Variants in POC1B observed in about 807,000 individuals in gnomAD.
POC1B encodes the protein POC1 centriolar protein homolog B.
A neutral mutation model predicts 60.6 loss-of-function variants in POC1B; 44 were observed. The observed-to-expected ratio is 0.73, with a 90% CI of 0.57 to 0.93. The LOEUF (loss-of-function observed/expected upper bound fraction) is 0.93, where lower values mean the gene tolerates loss of function less well. POC1B is among the 40% of genes least tolerant of loss of function. The pLI is 0.00. For missense variants in POC1B, 555 were observed against 572.3 expected (o/e 0.97, Z 0.31); for synonymous variants, 180 against 198.9 (o/e 0.90, Z 0.80).
chr12:89,466,946 G>C, intron 8 of POC1B, 24 bp from the exon 9 acceptor site: 3 of 1,595,892 alleles, frequency 1.9e-6, no homozygotes, highest in Non-Finnish European at 2.6e-6. Flanking sequence ...CAATGATGTT[G>C]GCAGTTATTG....
intron 4 of POC1B, among the ~76,000 whole-genome samples, chr12:89,478,019 G>C (rs1883183238): frequency 6.6e-6 from 1 of 152,118 alleles, no homozygotes; most frequent in East Asian, 1.9e-4. Flanking sequence ...CGGCCTTCCT[G>C]AACACTGTCA....
chr12:89,446,024 C>CA (rs1289322112), intron 10 of POC1B, among the ~76,000 whole-genome samples: 1 of 152,178 alleles, frequency 6.6e-6, no homozygotes, highest in Non-Finnish European at 1.5e-5. Context: ...CACTGGCTGT[C>CA]AGAGAAATGG....
chr12:89,486,217 A>G (rs993101567), intron 4 of POC1B, among the ~76,000 whole-genome samples: 14 of 152,232 alleles, frequency 9.2e-5, no homozygotes, highest in African/African-American at 3.4e-4. Flanking sequence ...AAGAGAATAC[A>G]ACATAAATAC....
chr12:89,525,010 T>C, intron 2 of POC1B, 110 bp downstream of exon 2: 1 of 1,495,620 alleles, frequency 6.7e-7, no homozygotes, highest in Non-Finnish European at 9.1e-7. Context: ...CTCTCAACCC[T>C]CATACAGGCC....
chr12:89,432,940 AG>A (rs1456004597), intron 10 of POC1B, among the ~76,000 whole-genome samples: 1 of 152,198 alleles, frequency 6.6e-6, no homozygotes, highest in Non-Finnish European at 1.5e-5. Context: ...GGAGCAGGAA[AG>A]GTGACTGGTG....
At chr12:89,460,038 C>A (rs780874350) in intron 9 of POC1B, 2 of 400,086 alleles carry the variant, frequency 5.0e-6, no homozygotes, top group South Asian at 2.1e-5. Flanking sequence ...AGAAAAAAAT[C>A]CTAGCCAGTT....
At chr12:89,476,205 C>T (rs1183981955) in intron 4 of POC1B, among the ~76,000 whole-genome samples, 1 of 152,022 alleles carries the variant, frequency 6.6e-6, no homozygotes, top group African/African-American at 2.4e-5. Flanking sequence ...CTGTGCCCAG[C>T]CCAGAATGAG....
intron 2 of POC1B, among the ~76,000 whole-genome samples, chr12:89,511,078 T>C (rs1870163462): frequency 6.6e-6 from 1 of 152,060 alleles, no homozygotes; most frequent in South Asian, 2.1e-4. Context: ...TTAGATAACT[T>C]TGTACATTTG....
intron 10 of POC1B, among the ~76,000 whole-genome samples, chr12:89,444,246 C>T (rs1881665122): frequency 6.6e-6 from 1 of 152,194 alleles, no homozygotes; most frequent in African/African-American, 2.4e-5. Flanking sequence ...TCCTCCCTAA[C>T]TCATTTTATG....
intron 10 of POC1B, among the ~76,000 whole-genome samples, chr12:89,431,634 C>T (rs1484183011): frequency 1.3e-5 from 2 of 152,198 alleles, no homozygotes. Flanking sequence ...ATAATCTCTA[C>T]ATAAGATCTA....
intron 2 of POC1B, among the ~76,000 whole-genome samples, chr12:89,510,125 A>C (rs1385669780): frequency 6.6e-6 from 1 of 152,138 alleles, no homozygotes; most frequent in Non-Finnish European, 1.5e-5. Flanking sequence ...CTGGGTTTGC[A>C]AGTGTGAGTC....
intron 2 of POC1B, among the ~76,000 whole-genome samples, chr12:89,498,597 T>C (rs1869377623): frequency 6.6e-6 from 1 of 152,254 alleles, no homozygotes; most frequent in Non-Finnish European, 1.5e-5. Context: ...ATGCATTATT[T>C]CCATGTAAAA....
intron 4 of POC1B, among the ~76,000 whole-genome samples, chr12:89,481,634 GA>G (rs1868367504): frequency 6.6e-6 from 1 of 151,934 alleles, no homozygotes. Flanking sequence ...TTCTGCATTG[GA>G]AAAAAAATTT....
intron 9 of POC1B, 184 bp from the exon 10 acceptor site, chr12:89,459,902 G>C: frequency 2.0e-6 from 1 of 495,096 alleles, no homozygotes; most frequent in Non-Finnish European, 3.6e-6. Context: ...CAACGTATAA[G>C]AAAAGATCAT....
At chr12:89,524,203 A>G (rs761280873) in intron 2 of POC1B, 10 of 1,613,946 alleles carry the variant, frequency 6.2e-6, no homozygotes, top group Non-Finnish European at 7.6e-6. Flanking sequence ...TTTATCCTCT[A>G]TGTGTCGATG....
At chr12:89,522,350 G>A (rs368505050) in intron 2 of POC1B, 1 of 394,330 alleles carries the variant, frequency 2.5e-6, no homozygotes, top group Non-Finnish European at 4.5e-6. Context: ...AAAATTTAAT[G>A]TGCTGGCTAA....
At chr12:89,409,747 T>C in the POC1B span, among the ~76,000 whole-genome samples, 2 of 152,100 alleles carry the variant, frequency 1.3e-5, no homozygotes, top group African/African-American at 4.8e-5. Flanking sequence ...CTCCCAAGAT[T>C]AAACCATGAA....
intron 10 of POC1B, chr12:89,428,471 G>A (rs965967984): frequency 2.6e-5 from 4 of 152,096 alleles, no homozygotes; most frequent in Non-Finnish European, 5.9e-5. Context: ...AGACTACTAT[G>A]TTTACTCTTC....
At chr12:89,483,807 T>C (rs1868481584) in intron 4 of POC1B, among the ~76,000 whole-genome samples, 1 of 152,006 alleles carries the variant, frequency 6.6e-6, no homozygotes, top group Non-Finnish European at 1.5e-5. Context: ...CTACAAGAAA[T>C]GGTAAGTGCA....
Sources: gnomAD v4.1 joint callset for allele counts (sites outside exome capture counted in the v4.1 genomes callset) on GRCh38, gnomAD v4.1.1 for gene constraint, MANE v1.5 for transcripts, NCBI Gene and HGNC (gene_info 2026-07-23, HGNC 2026-07-21) for gene names.